Variants in RTN1 observed in about 807,000 individuals in gnomAD.
RTN1 encodes the protein reticulon 1, also known as reticulon-1.
A neutral mutation model predicts 65.5 loss-of-function variants in RTN1; 25 were observed. The observed-to-expected ratio is 0.38, with a 90% confidence interval of 0.28 to 0.53. The LOEUF (loss-of-function observed/expected upper bound fraction) is 0.53, where lower values mean the gene tolerates loss of function less well. Among genes scored for constraint, RTN1 ranks in the 20% least tolerant of loss-of-function variants. RTN1 has a pLI of 0.79. For missense variants in RTN1, 983 were observed against 1,025.4 expected, an observed-to-expected ratio of 0.96 and a Z score of 0.57; for synonymous variants, 471 against 447.6, an observed-to-expected ratio of 1.05 and a Z score of -0.66.
intron 3 of RTN1, among the ~76,000 whole-genome samples, 171 bp downstream of exon 3, chr14:59,726,748 T>A (rs1033694784): frequency 1.3e-5 from 2 of 152,160 alleles, no homozygotes; most frequent in African/African-American, 4.8e-5. Flanking sequence ...CTGTCCCAGC[T>A]GCAGATCTGA....
intron 8 of RTN1, among the ~76,000 whole-genome samples, chr14:59,597,249 A>G (rs1316123747): frequency 6.6e-6 from 1 of 152,222 alleles, no homozygotes; most frequent in Non-Finnish European, 1.5e-5. Flanking sequence ...TCACCCTCAG[A>G]GTAGTCTAAT....
intron 3 of RTN1, among the ~76,000 whole-genome samples, chr14:59,717,467 T>G (rs1439371534): frequency 1.3e-5 from 2 of 152,226 alleles, no homozygotes; most frequent in Non-Finnish European, 2.9e-5. Flanking sequence ...CTCCCTCTCC[T>G]GCTACAAATT....
chr14:59,662,523 G>A (rs966242741), intron 3 of RTN1, among the ~76,000 whole-genome samples: 3 of 152,064 alleles, frequency 2.0e-5, no homozygotes, highest in South Asian at 2.1e-4. Flanking sequence ...GTATTCCATG[G>A]AGTATATGTG....
rs149196926 is a variant in RTN1 at position 59,596,727 on chromosome 14, C to T, written c.*18G>A. ...CCAGACATTCCTGTTTGTGTCCAGT[C>T]CCCGGTGGGAAATCAGTTTACTCAG... On this transcript the variant is annotated 3_prime_UTR_variant, in exon 9 of 9. Coordinates refer to ENST00000267484, the MANE Select transcript of RTN1 (RefSeq NM_021136.3). 403 of 1,596,554 alleles carry T rather than the reference C, an allele frequency of 2.5e-4. 2 individuals carry two copies. In the African/African-American group the frequency reaches 4.8e-3, roughly 19 times the overall value.
chr14:59,863,527 C>T (rs1263927942), intron 1 of RTN1, among the ~76,000 whole-genome samples: 2 of 152,154 alleles, frequency 1.3e-5, no homozygotes, highest in East Asian at 3.9e-4. Context: ...CCTACTTCGT[C>T]GCCCACTTTT....
intron 3 of RTN1, among the ~76,000 whole-genome samples, chr14:59,619,910 T>C (rs1209631460): frequency 2.6e-5 from 4 of 151,942 alleles, no homozygotes; most frequent in African/African-American, 4.8e-5. Flanking sequence ...GGCACTGCTA[T>C]GAGTAGTGGG....
intron 1 of RTN1, among the ~76,000 whole-genome samples, chr14:59,806,298 T>C (rs575860960): frequency 3.3e-5 from 5 of 151,660 alleles, no homozygotes; most frequent in African/African-American, 1.2e-4. Flanking sequence ...GTGAATAAAA[T>C]CCCATTAAAT....
intron 1 of RTN1, among the ~76,000 whole-genome samples, chr14:59,828,913 T>C (rs1402124161): frequency 6.6e-6 from 1 of 152,180 alleles, no homozygotes; most frequent in African/African-American, 2.4e-5. Context: ...AAATGCAAGG[T>C]AGAAATAATT....
chr14:59,772,430 G>A (rs934837236), intron 1 of RTN1, among the ~76,000 whole-genome samples: 2 of 151,676 alleles, frequency 1.3e-5, no homozygotes, highest in African/African-American at 4.9e-5. Flanking sequence ...ATGCTATTAG[G>A]TAATTTGAGT....
intron 3 of RTN1, among the ~76,000 whole-genome samples, chr14:59,632,810 T>C (rs1249328025): frequency 1.3e-5 from 2 of 152,080 alleles, no homozygotes; most frequent in African/African-American, 4.8e-5. Flanking sequence ...AAAGTTGACC[T>C]TGGGGCCAGG....
rs12587761 is a variant in RTN1, at chr14:59,750,906, T to A, written c.242-4425A>T. Among the ~76,000 whole-genome samples the A allele has an allele frequency of 3.0e-3, 451 of 150,078 alleles. 13 individuals are homozygous for A. In the East Asian group the frequency reaches 0.049, roughly 16 times the overall value. ...TTTTGTTTTCATTTTTTCATAGAGA[T>A]GTGGTCTCACTATGTTGCCCAGGCC... On this transcript the variant is annotated intron_variant, in intron 1 of 8. Transcript: ENST00000267484.
intron 1 of RTN1, among the ~76,000 whole-genome samples, chr14:59,845,962 G>C (rs748635041): frequency 2.6e-5 from 4 of 152,152 alleles, no homozygotes; most frequent in Non-Finnish European, 4.4e-5. Flanking sequence ...CACTATAGTA[G>C]ATTAGGAACA....
chr14:59,854,617 G>A (rs1887569895), intron 1 of RTN1, among the ~76,000 whole-genome samples: 1 of 130,754 alleles, frequency 7.6e-6, no homozygotes, highest in African/African-American at 3.1e-5. Flanking sequence ...CTCCAGCCTG[G>A]AGACAGAGCA....
At chr14:59,691,196 C>T (rs1388869429) in intron 3 of RTN1, among the ~76,000 whole-genome samples, 1 of 151,966 alleles carries the variant, frequency 6.6e-6, no homozygotes, top group Non-Finnish European at 1.5e-5. Context: ...AGCTAGATTA[C>T]CACAGAAAAA....
chr14:59,826,415 T>A (rs1887031856), intron 1 of RTN1, among the ~76,000 whole-genome samples: 1 of 152,126 alleles, frequency 6.6e-6, no homozygotes, highest in Non-Finnish European at 1.5e-5. Context: ...TGTTAATGAG[T>A]ATTGTCCTGG....
intron 3 of RTN1, among the ~76,000 whole-genome samples, chr14:59,651,356 C>A (rs553491101): frequency 1.3e-5 from 2 of 152,184 alleles, no homozygotes; most frequent in East Asian, 1.9e-4. Flanking sequence ...GAAACTGGAC[C>A]CCTTGCTTAC....
At chr14:59,851,362 G>A (rs1375466275) in intron 1 of RTN1, among the ~76,000 whole-genome samples, 1 of 152,090 alleles carries the variant, frequency 6.6e-6, no homozygotes, top group African/African-American at 2.4e-5. Context: ...AGAAACCAAT[G>A]CTCCTGGGAG....
intron 1 of RTN1, among the ~76,000 whole-genome samples, chr14:59,772,222 A>G (rs1265175966): frequency 3.3e-5 from 5 of 152,260 alleles, no homozygotes; most frequent in Admixed American, 1.3e-4. Context: ...AAAAAACAAA[A>G]GGATATTAAT....
At chr14:59,738,064 G>C (rs1007107038) in intron 2 of RTN1, among the ~76,000 whole-genome samples, 3 of 152,144 alleles carry the variant, frequency 2.0e-5, no homozygotes, top group African/African-American at 7.2e-5. Flanking sequence ...AACCCTAGAA[G>C]AAAATCTAGG....
Sources: allele counts gnomAD v4.1 joint callset (sites outside exome capture counted in the v4.1 genomes callset), GRCh38; gene constraint gnomAD v4.1.1; transcripts MANE v1.5; gene names NCBI Gene and HGNC (gene_info 2026-07-23, HGNC 2026-07-21).